RAPGEF5: variants seen among roughly 807,000 people sequenced by gnomAD.
The protein encoded by RAPGEF5 is M-Ras-regulated GEF.
In RAPGEF5, 65 loss-of-function variants were observed where a neutral mutation model predicts 125.2. The ratio of observed to expected loss-of-function variants is 0.52; its 90% CI spans 0.43 to 0.64. The LOEUF (loss-of-function observed/expected upper bound fraction) is 0.64, where lower values mean the gene tolerates loss of function less well. Ranked by LOEUF, RAPGEF5 falls within the 30% of genes least tolerant of loss-of-function variation. The pLI, the probability that RAPGEF5 is intolerant of heterozygous loss-of-function variation, is 0.00. For missense variants in RAPGEF5, 958 were observed against 1,048.1 expected (o/e 0.91, Z 1.19); for synonymous variants, 391 against 385.9 (o/e 1.01, Z -0.16).
intron 9 of RAPGEF5, among the ~76,000 whole-genome samples, chr7:22,196,591 A>G (rs1412113729): frequency 6.6e-6 from 1 of 152,196 alleles, no homozygotes; most frequent in Non-Finnish European, 1.5e-5. Flanking sequence ...CCATGACAAC[A>G]TAAGTATAAC....
At chr7:22,308,692 A>G (rs1200829140) in intron 4 of RAPGEF5, among the ~76,000 whole-genome samples, 185 bp from the exon 5 acceptor site, 3 of 152,152 alleles carry the variant, frequency 2.0e-5, no homozygotes, top group Non-Finnish European at 4.4e-5. Context: ...TGACTAGTCT[A>G]TTTTTACTAC....
intron 7 of RAPGEF5, among the ~76,000 whole-genome samples, chr7:22,258,624 CAAAAAAAAAAA>C (rs34352575): frequency 3.1e-4 from 14 of 45,806 alleles, no homozygotes; most frequent in Non-Finnish European, 4.3e-4. Flanking sequence ...AACTCCGTCT[CAAAAAAAAAAA>C]AAAAAAAAAA....
At chr7:22,248,843 T>C (rs1786546562) in intron 7 of RAPGEF5, among the ~76,000 whole-genome samples, 1 of 152,180 alleles carries the variant, frequency 6.6e-6, no homozygotes, top group Admixed American at 6.5e-5. Context: ...AAAAGTAAGA[T>C]GGCAAATTGT....
chr7:22,293,658 C>T (rs957089882), intron 5 of RAPGEF5, among the ~76,000 whole-genome samples: 12 of 152,032 alleles, frequency 7.9e-5, no homozygotes, highest in African/African-American at 1.9e-4. Context: ...CTCTAGAATT[C>T]GGAAATGCTC....
intron 9 of RAPGEF5, among the ~76,000 whole-genome samples, chr7:22,204,442 G>A (rs1320715574): frequency 2.0e-5 from 3 of 152,134 alleles, no homozygotes; most frequent in East Asian, 3.8e-4. Context: ...ATGTGTGTAC[G>A]TGAGGAAATG....
At chr7:22,299,143 C>T (rs915325210) in intron 5 of RAPGEF5, among the ~76,000 whole-genome samples, 1 of 150,044 alleles carries the variant, frequency 6.7e-6, no homozygotes, top group African/African-American at 2.5e-5. Context: ...CTTTGGCTAG[C>T]TTTCTGAGGT....
intron 5 of RAPGEF5, among the ~76,000 whole-genome samples, chr7:22,302,447 C>T (rs1424035825): frequency 2.0e-5 from 3 of 152,176 alleles, no homozygotes; most frequent in African/African-American, 4.8e-5. Flanking sequence ...CCAACTTACA[C>T]CAGCCTCATG....
rs981237926 is a variant in RAPGEF5 at position 22,335,394 on chromosome 7, C to G, written c.232-17357G>C. ...GGCAGAGGTAGATAAAGGGAGTAAACTCTCTCCTTTTTATCCAGTCAGTTC... is the reference window on the plus strand; with the variant it reads ...GGCAGAGGTAGATAAAGGGAGTAAAGTCTCTCCTTTTTATCCAGTCAGTTC... On this transcript the variant is annotated intron_variant, in intron 1 of 25. Coordinates refer to ENST00000665637, the MANE Select transcript of RAPGEF5 (RefSeq NM_012294.5). Among the ~76,000 whole-genome samples the G allele has an allele frequency of 1.4e-4, 21 of 152,218 alleles. No homozygotes were observed. The South Asian group carries it at 2.7e-3, about 20-fold the overall frequency.
chr7:22,305,538 T>C (rs1783316716), intron 5 of RAPGEF5, among the ~76,000 whole-genome samples: 1 of 152,206 alleles, frequency 6.6e-6, no homozygotes, highest in Non-Finnish European at 1.5e-5. Context: ...CTCAAGCATT[T>C]ATCCTTTGAG....
chr7:22,330,375 ATGTAAGGGAAGGAGCCCTGTGCAAG>A (rs1783893820), intron 1 of RAPGEF5, among the ~76,000 whole-genome samples: 1 of 152,216 alleles, frequency 6.6e-6, no homozygotes, highest in South Asian at 2.1e-4. Context: ...GAGACCATGG[ATGTAAGGGAAGGAGCCCTGTGCAAG>A]TGTAAAGGCA....
intron 25 of RAPGEF5, 124 bp downstream of exon 25, chr7:22,125,475 CAATAT>C: frequency 1.2e-6 from 1 of 825,046 alleles, no homozygotes; most frequent in Non-Finnish European, 2.0e-6. Context: ...TATATATATA[CAATAT>C]GCGTATGTAT....
At chr7:22,248,235 A>G (rs73278098) in intron 7 of RAPGEF5, among the ~76,000 whole-genome samples, 23,736 of 152,186 alleles carry the variant, frequency 0.16, 1,947 homozygotes, top group Admixed American at 0.2. Flanking sequence ...TCATTCCAAC[A>G]AATGTGATCT....
At chr7:22,282,789 C>T (rs1299845647) in intron 6 of RAPGEF5, among the ~76,000 whole-genome samples, 2 of 152,198 alleles carry the variant, frequency 1.3e-5, no homozygotes, top group Non-Finnish European at 2.9e-5. Context: ...TTAACAACTG[C>T]AAACAAGTCT....
Position 22,121,182 on chromosome 7 carries a change from T to C in RAPGEF5, c.*1224A>G, listed in dbSNP as rs757817117. ...GTCTTATTTGCTACAGGAGCCTCAA[T>C]TGGTAAAAATGGGAATAATAAGATT... On this transcript the variant is annotated 3_prime_UTR_variant, in exon 26 of 26. Coordinates refer to ENST00000665637, the MANE Select transcript of RAPGEF5 (RefSeq NM_012294.5). 2.0e-4 allele frequency: 30 copies of C among 148,286 alleles called. No individual in the cohort carries two copies. The highest frequency in any genetic ancestry group is 3.9e-4 in the East Asian group (2 of 5,076). The allele number at this position is 148,286 out of a possible 1,614,324, so 9.2% of individuals were successfully genotyped here.
chr7:22,199,927 C>T (rs1364428725), intron 9 of RAPGEF5, among the ~76,000 whole-genome samples: 2 of 152,158 alleles, frequency 1.3e-5, no homozygotes, highest in African/African-American at 2.4e-5. Flanking sequence ...TATCATAGAA[C>T]AAATGAAGAC....
intron 11 of RAPGEF5, among the ~76,000 whole-genome samples, chr7:22,174,624 G>T (rs1784449506): frequency 6.6e-6 from 1 of 152,190 alleles, no homozygotes; most frequent in South Asian, 2.1e-4. Flanking sequence ...TAGTATAATT[G>T]AAAAGTAAAG....
In RAPGEF5 at chr7:22,156,885, T is replaced by G; in HGVS notation, c.1561A>C (p.Lys521Gln). The stretch of plus-strand genomic sequence containing the variant: ...AGACTGAATTGGTGGAAAAGGGCTT[T>G]ATTCTGTGAGATGGGAGAAAGAGAA... ...VDEYSPQKKN[K>Q]ALFHQFSLKE... The change falls in exon 16 of 26, where the codon AAA becomes CAA. Residue 521 changes from lysine (K) to glutamine (Q), a missense_variant. By Grantham distance (53) the Lys-to-Gln change is moderately conservative. Transcript: ENST00000665637. 6.2e-7 allele frequency: 1 copy of G among 1,613,974 alleles called. No individual in the cohort carries two copies. The highest frequency in any genetic ancestry group is 8.5e-7 in the Non-Finnish European group (1 of 1,179,846).
At chr7:22,298,637 C>A (rs1247867198) in intron 5 of RAPGEF5, 1 of 152,152 alleles carries the variant, frequency 6.6e-6, no homozygotes, top group African/African-American at 2.4e-5. Flanking sequence ...CTTGTCCTAT[C>A]TTAGAGGCTA....
At chr7:22,171,990 A>G (rs1784364908) in intron 11 of RAPGEF5, among the ~76,000 whole-genome samples, 1 of 152,218 alleles carries the variant, frequency 6.6e-6, no homozygotes, top group Non-Finnish European at 1.5e-5. Flanking sequence ...ATTGGAAGGT[A>G]AATACTTCTA....
Sources: gnomAD v4.1 joint callset for allele counts (sites outside exome capture counted in the v4.1 genomes callset) on GRCh38, gnomAD v4.1.1 for gene constraint, MANE v1.5 for transcripts, NCBI Gene and HGNC (gene_info 2026-07-23, HGNC 2026-07-21) for gene names.